Variants in ADAMTS12 observed in about 807,000 individuals in gnomAD.
ADAMTS12 encodes the protein ADAM metallopeptidase with thrombospondin type 1 motif 12.
Under a neutral mutation model 167.8 loss-of-function variants are expected in ADAMTS12, and 118 were observed. The observed-to-expected ratio is 0.70, with a 90% CI of 0.61 to 0.82. The LOEUF (loss-of-function observed/expected upper bound fraction) is 0.82. Among genes scored for constraint, ADAMTS12 ranks in the 40% least tolerant of loss-of-function variants. The pLI is 0.00. For synonymous variants in ADAMTS12, 704 were observed against 716.9 expected (o/e 0.98, Z 0.29); for missense variants, 1,916 against 1,998.8 (o/e 0.96, Z 0.79).
intron 3 of ADAMTS12, among the ~76,000 whole-genome samples, chr5:33,690,417 G>A (rs967801198): frequency 2.0e-5 from 3 of 151,368 alleles, no homozygotes; most frequent in Non-Finnish European, 2.9e-5. Flanking sequence ...CCCAAAACAA[G>A]TACATCCTAG....
At chr5:33,693,140 A>T (rs1742614372) in intron 3 of ADAMTS12, among the ~76,000 whole-genome samples, 1 of 152,168 alleles carries the variant, frequency 6.6e-6, no homozygotes, top group Admixed American at 6.5e-5. Flanking sequence ...TTGATATTTC[A>T]TTTCATGAAC....
At chr5:33,824,782 T>C (rs1747995164) in intron 2 of ADAMTS12, among the ~76,000 whole-genome samples, 1 of 152,166 alleles carries the variant, frequency 6.6e-6, no homozygotes. Flanking sequence ...CTTCCCAGCA[T>C]CCCTTGCTCT....
chr5:33,604,935 G>A (rs928062418), intron 16 of ADAMTS12, among the ~76,000 whole-genome samples: 21 of 152,166 alleles, frequency 1.4e-4, no homozygotes, highest in African/African-American at 4.8e-4. Context: ...AAGCTACAAA[G>A]TAATTAGAAT....
chr5:33,527,670 G>T (rs780545506), intron 23 of ADAMTS12, among the ~76,000 whole-genome samples: 1 of 152,186 alleles, frequency 6.6e-6, no homozygotes, highest in Non-Finnish European at 1.5e-5. Context: ...TTTGGGTTCA[G>T]CTCTGTGACT....
chr5:33,832,390 T>C (rs947745966), intron 2 of ADAMTS12, among the ~76,000 whole-genome samples: 19 of 152,160 alleles, frequency 1.2e-4, no homozygotes, highest in East Asian at 3.8e-4. Flanking sequence ...ACTGAACATT[T>C]TGTGAGGAAA....
In ADAMTS12 at chr5:33,805,728, T is replaced by A. The variant is rs563662509; in HGVS notation, c.490-54180A>T. Among the ~76,000 whole-genome samples, 4 of 152,210 alleles carry A rather than the reference T, an allele frequency of 2.6e-5. No individual in the cohort carries two copies. In the East Asian group the frequency reaches 7.7e-4, roughly 29 times the overall value. On this transcript the variant is annotated intron_variant, in intron 2 of 23. Coordinates refer to ENST00000504830, the MANE Select transcript of ADAMTS12 (RefSeq NM_030955.4). ...AGAAAAGAGGTTATGATATGTATGC[T>A]GTGAAGGAAAAAAGGGCTGGGTGCA...
At chr5:33,661,887 C>T (rs1352985661) in intron 6 of ADAMTS12, 29 bp downstream of exon 6, 1 of 1,612,116 alleles carries the variant, frequency 6.2e-7, no homozygotes, top group South Asian at 1.1e-5. Context: ...GCTTTACTGC[C>T]CCTGGGTTTC....
chr5:33,627,009 T>C (rs1739675124), intron 13 of ADAMTS12, among the ~76,000 whole-genome samples: 1 of 148,470 alleles, frequency 6.7e-6, no homozygotes, highest in South Asian at 2.2e-4. Flanking sequence ...GTGGTGGTGA[T>C]GCAGTAGGGT....
chr5:33,644,741 T>C (rs1231951380), intron 9 of ADAMTS12, among the ~76,000 whole-genome samples: 1 of 144,390 alleles, frequency 6.9e-6, no homozygotes, highest in Non-Finnish European at 1.6e-5. Context: ...AGGGTGGCTT[T>C]TTTTTTTTTG....
At chr5:33,843,759 T>C (rs1561302856) in intron 2 of ADAMTS12, among the ~76,000 whole-genome samples, 2 of 152,194 alleles carry the variant, frequency 1.3e-5, no homozygotes, top group African/African-American at 2.4e-5. Context: ...TGGTTTTGGA[T>C]CTGATAAGCA....
intron 21 of ADAMTS12, among the ~76,000 whole-genome samples, chr5:33,547,146 C>A (rs1189268353): frequency 6.6e-6 from 1 of 152,206 alleles, no homozygotes; most frequent in Non-Finnish European, 1.5e-5. Context: ...AGGAATTCCA[C>A]ATCTGGAGTT....
intron 16 of ADAMTS12, among the ~76,000 whole-genome samples, chr5:33,604,445 G>A (rs1251407538): frequency 1.3e-5 from 2 of 151,250 alleles, no homozygotes; most frequent in Non-Finnish European, 2.9e-5. Flanking sequence ...AGGTTGCAGT[G>A]AGCGGAAATT....
intron 19 of ADAMTS12, among the ~76,000 whole-genome samples, chr5:33,569,793 A>C (rs1038483730): frequency 3.9e-5 from 6 of 152,146 alleles, no homozygotes; most frequent in African/African-American, 1.4e-4. Flanking sequence ...CGATCAAACT[A>C]CTCTGAGCTA....
At chr5:33,849,871 T>G (rs900886442) in intron 2 of ADAMTS12, among the ~76,000 whole-genome samples, 1 of 151,632 alleles carries the variant, frequency 6.6e-6, no homozygotes, top group Admixed American at 6.6e-5. Context: ...TCAATATATA[T>G]ATGTATTGCA....
intron 22 of ADAMTS12, among the ~76,000 whole-genome samples, chr5:33,539,569 T>G (rs1017748197): frequency 3.3e-5 from 5 of 152,200 alleles, no homozygotes; most frequent in African/African-American, 1.2e-4. Flanking sequence ...TTTGAAAGTA[T>G]TTAATATTTT....
intron 2 of ADAMTS12, among the ~76,000 whole-genome samples, chr5:33,797,108 C>T (rs1241749985): frequency 1.3e-5 from 2 of 152,184 alleles, no homozygotes; most frequent in Non-Finnish European, 2.9e-5. Context: ...AAAATAATAT[C>T]CTGATAACAA....
chr5:33,544,716 C>G (rs1320218117), intron 22 of ADAMTS12, among the ~76,000 whole-genome samples: 1 of 152,198 alleles, frequency 6.6e-6, no homozygotes, highest in African/African-American at 2.4e-5. Context: ...CACACATCTA[C>G]AACCATCTGA....
intron 3 of ADAMTS12, among the ~76,000 whole-genome samples, chr5:33,692,744 T>C (rs1742596036): frequency 6.6e-6 from 1 of 152,210 alleles, no homozygotes; most frequent in Non-Finnish European, 1.5e-5. Flanking sequence ...TGATAAGGTA[T>C]AAATAAACAG....
chr5:33,565,712 A>G (rs1419376648), intron 19 of ADAMTS12, among the ~76,000 whole-genome samples: 2 of 149,286 alleles, frequency 1.3e-5, no homozygotes, highest in East Asian at 1.9e-4. Context: ...AATGTGTTCA[A>G]TAAGACCATT....
Sources: allele counts gnomAD v4.1 joint callset (sites outside exome capture counted in the v4.1 genomes callset), GRCh38; gene constraint gnomAD v4.1.1; transcripts MANE v1.5; gene names NCBI Gene and HGNC (gene_info 2026-07-23, HGNC 2026-07-21).